The following MEDAG variants were observed in gnomAD, a reference collection of about 807,000 sequenced individuals.
MEDAG encodes mesenteric estrogen-dependent adipogenesis protein.
Under a neutral mutation model 29.9 loss-of-function variants are expected in MEDAG, and 25 were observed. That is an observed-to-expected ratio of 0.84 (90% confidence interval 0.61 to 1.17). MEDAG has a LOEUF of 1.17. Ranked by LOEUF, MEDAG falls within the 50% of genes most tolerant of loss-of-function variation. MEDAG has a pLI of 0.00. For missense variants in MEDAG, 398 were observed against 372.9 expected (o/e 1.07, Z -0.56); for synonymous variants, 158 against 148.2 (o/e 1.07, Z -0.48).
At chr13:30,917,542 C>T (rs779917597) in intron 2 of MEDAG, 30 bp downstream of exon 2, 12 of 1,201,328 alleles carry the variant, frequency 1.0e-5, no homozygotes, top group Non-Finnish European at 1.5e-5. Context: ...CATTTTCACA[C>T]TGCTATAAAG....
At position 30,921,586 on chromosome 13, in the gene MEDAG, A is replaced by G. The variant is rs1440568514; in HGVS notation, c.527A>G (p.Asn176Ser). ...TTTGATTTTCAAGAGGCAGTGAAGA[A>G]TTTCTTCCCCCCAGGAAATGAAGTG... ...LQFDFQEAVK[N>S]FFPPGNEVVN... Residue 176 changes from asparagine to serine, a missense_variant, in exon 4 of 5, where the codon AAT becomes AGT. Coordinates refer to ENST00000380482, the MANE Select transcript of MEDAG (RefSeq NM_032849.4). The G allele has an allele frequency of 1.9e-6, 3 of 1,607,308 alleles. No homozygotes were observed. The Admixed American group carries it at 5.1e-5, about 28-fold the overall frequency.
Position 30,911,334 on chromosome 13 carries a change from A to G in MEDAG, c.278+4541A>G, listed in dbSNP as rs561986776. On this transcript the variant is annotated intron_variant, in intron 1 of 4. Coordinates refer to ENST00000380482, the MANE Select transcript of MEDAG (RefSeq NM_032849.4). ...ACTCAGATCTGATGAGTCTACAGCA[A>G]TGTGCCACCTGACCATCTTTCCTGC... 9.0e-4 allele frequency among the ~76,000 whole-genome samples: 137 copies of G among 152,216 alleles called. 1 individual carries two copies. The highest frequency in any genetic ancestry group is 3.1e-3 in the African/African-American group (129 of 41,542).
chr13:30,911,754 T>A (rs1461037205), intron 1 of MEDAG, among the ~76,000 whole-genome samples: 1 of 152,216 alleles, frequency 6.6e-6, no homozygotes, highest in Non-Finnish European at 1.5e-5. Flanking sequence ...TGCAAGCCTA[T>A]GAATAGCAGG....
intron 1 of MEDAG, among the ~76,000 whole-genome samples, chr13:30,913,866 C>A (rs937117070): frequency 6.6e-6 from 1 of 151,982 alleles, no homozygotes; most frequent in Non-Finnish European, 1.5e-5. Context: ...TGTGGTGAAA[C>A]CCTTGTCTCT....
chr13:30,917,285 A>C, intron 1 of MEDAG, 118 bp from the exon 2 acceptor site: 3 of 711,148 alleles, frequency 4.2e-6, no homozygotes. Flanking sequence ...GTAAGGATGC[A>C]TTTCAAGGAA....
At chr13:30,914,927 T>C (rs932377821) in intron 1 of MEDAG, among the ~76,000 whole-genome samples, 1 of 152,194 alleles carries the variant, frequency 6.6e-6, no homozygotes, top group Non-Finnish European at 1.5e-5. Flanking sequence ...ATTGAAAGAA[T>C]AGAGGAATCT....
chr13:30,918,083 G>A (rs1773222742), intron 2 of MEDAG, among the ~76,000 whole-genome samples: 1 of 152,146 alleles, frequency 6.6e-6, no homozygotes, highest in Non-Finnish European at 1.5e-5. Context: ...TAGGGCAGAA[G>A]CCACCTGTCT....
chr13:30,921,204 C>T (rs761997572), intron 3 of MEDAG, 78 bp downstream of exon 3: 37 of 1,250,270 alleles, frequency 3.0e-5, no homozygotes, highest in Non-Finnish European at 3.8e-5. Context: ...AACTGAGGCC[C>T]TATTGCCCTG....
chr13:30,910,372 T>G (rs984118214), intron 1 of MEDAG, among the ~76,000 whole-genome samples: 21 of 152,178 alleles, frequency 1.4e-4, no homozygotes, highest in African/African-American at 4.8e-4. Flanking sequence ...CTACTAACAT[T>G]TACTCGAATG....
Position 30,924,624 on chromosome 13 carries a change from C to A in MEDAG, c.*189C>A. 1.9e-6 allele frequency: 1 copy of A among 520,780 alleles called. No homozygotes were observed. Among genetic ancestry groups the A allele is most frequent in the Non-Finnish European group, 3.3e-6 (1 of 304,676 alleles). 32.3% of individuals were successfully genotyped at this position (520,780 alleles called of 1,614,324 possible). A position where few individuals can be genotyped will look rare whatever the true frequency, so the allele number is the denominator to read the frequency against. ...TGATGCCCTGGCAGGCCCAGGGCAG[C>A]TGATTCCCCTAAAACTTATGATTAC... is the stretch of plus-strand genomic sequence containing the variant. On this transcript the variant is annotated 3_prime_UTR_variant, in exon 5 of 5. Transcript: ENST00000380482.
Position 30,924,539 on chromosome 13 carries a change from T to G in MEDAG, c.*104T>G. The G allele has an allele frequency of 8.2e-7, 1 of 1,225,138 alleles. No individual in the cohort carries two copies. Among genetic ancestry groups the G allele is most frequent in the Non-Finnish European group, 1.1e-6 (1 of 884,948 alleles). The allele number at this position is 1,225,138 out of a possible 1,614,324, so 75.9% of individuals were successfully genotyped here. On this transcript the variant is annotated 3_prime_UTR_variant, in exon 5 of 5. Coordinates refer to ENST00000380482, the MANE Select transcript of MEDAG (RefSeq NM_032849.4). ...GGAGGCAGATACTTCCACCTGCGTG[T>G]CAATCTCCGGCTCCTCCATGGCTTC... is the stretch of plus-strand genomic sequence containing the variant.
At chr13:30,920,352 G>A (rs904013589) in intron 2 of MEDAG, among the ~76,000 whole-genome samples, 5 of 152,150 alleles carry the variant, frequency 3.3e-5, no homozygotes, top group African/African-American at 4.8e-5. Flanking sequence ...TTGGGAGGCC[G>A]TGGCTGGCAG....
chr13:30,913,900 G>A (rs1057258244), intron 1 of MEDAG, among the ~76,000 whole-genome samples: 3 of 152,046 alleles, frequency 2.0e-5, no homozygotes, highest in African/African-American at 7.2e-5. Flanking sequence ...AAATTAGCTG[G>A]GCATGGTGGT....
At chr13:30,908,749 T>TC (rs1279023415) in intron 1 of MEDAG, 2 of 142,658 alleles carry the variant, frequency 1.4e-5, no homozygotes, top group Non-Finnish European at 3.1e-5. Flanking sequence ...CTTCCTTCCT[T>TC]CTTTTTGAAA....
chr13:30,910,841 C>T (rs968648203), intron 1 of MEDAG, among the ~76,000 whole-genome samples: 2 of 152,206 alleles, frequency 1.3e-5, no homozygotes, highest in African/African-American at 4.8e-5. Context: ...AGCCTCACCT[C>T]CATCCTGCAG....
intron 3 of MEDAG, 37 bp downstream of exon 3, chr13:30,921,163 A>G: frequency 1.3e-6 from 2 of 1,539,392 alleles, no homozygotes; most frequent in Non-Finnish European, 9.0e-7. Context: ...GCTGTCAACC[A>G]CATGGAAGGA....
intron 4 of MEDAG, chr13:30,922,967 C>T (rs757447377): frequency 2.6e-5 from 4 of 152,186 alleles, no homozygotes; most frequent in East Asian, 1.9e-4. Flanking sequence ...GTCACTCAGG[C>T]TGGAGTGCAG....
At chr13:30,916,025 T>C (rs1952924889) in intron 1 of MEDAG, 1 of 152,022 alleles carries the variant, frequency 6.6e-6, no homozygotes, top group Non-Finnish European at 1.5e-5. Flanking sequence ...AAAAGCTTGG[T>C]GAAATAGAAG....
rs570041826 is a variant in MEDAG at position 30,909,348 on chromosome 13, C to T, written c.278+2555C>T. Among the ~76,000 whole-genome samples, 125 of 152,040 alleles carry T rather than the reference C, an allele frequency of 8.2e-4. 1 individual carries two copies. The highest frequency in any genetic ancestry group is 2.9e-3 in the African/African-American group (120 of 41,458). On this transcript the variant is annotated intron_variant, in intron 1 of 4. Transcript: ENST00000380482. Reference sequence around the variant, plus strand: ...TTGCCTTGTCTATCATCTTCAGAGCCGGATTGCCCCAGCTTGTATTTTTGA... The same window carrying T: ...TTGCCTTGTCTATCATCTTCAGAGCTGGATTGCCCCAGCTTGTATTTTTGA...
Sources: gnomAD v4.1 joint callset for allele counts (sites outside exome capture counted in the v4.1 genomes callset) on GRCh38, gnomAD v4.1.1 for gene constraint, MANE v1.5 for transcripts, NCBI Gene and HGNC (gene_info 2026-07-23, HGNC 2026-07-21) for gene names.